The following GATAD2B variants were observed in gnomAD, a reference collection of about 807,000 sequenced individuals.
GATAD2B encodes the protein transcriptional repressor p66-beta.
In GATAD2B, 8 loss-of-function variants were observed where a neutral mutation model predicts 64.3. The ratio of observed to expected loss-of-function variants is 0.12; its 90% CI spans 0.07 to 0.22. GATAD2B has a LOEUF of 0.22. Ranked by LOEUF, GATAD2B falls within the 10% of genes least tolerant of loss-of-function variation. The pLI is 1.00. For synonymous variants in GATAD2B, 281 were observed against 271.3 expected (o/e 1.04, Z -0.35); for missense variants, 453 against 752.0 (o/e 0.60, Z 4.65).
intron 1 of GATAD2B, among the ~76,000 whole-genome samples, chr1:153,860,492 A>G (rs1011323451): frequency 2.0e-5 from 3 of 151,488 alleles, no homozygotes; most frequent in African/African-American, 7.3e-5. Flanking sequence ...GTGCCACCTC[A>G]ACCAGCTAAC....
At chr1:153,891,495 A>C (rs1354061717) in intron 1 of GATAD2B, among the ~76,000 whole-genome samples, 5 of 138,342 alleles carry the variant, frequency 3.6e-5, no homozygotes, top group African/African-American at 1.3e-4. Context: ...GCTTGAGCCC[A>C]GGAGGCAGAG....
chr1:153,881,436 C>G (rs1024049354), intron 1 of GATAD2B, among the ~76,000 whole-genome samples: 1 of 152,168 alleles, frequency 6.6e-6, no homozygotes, highest in Non-Finnish European at 1.5e-5. Flanking sequence ...ATGGATGAAG[C>G]AGAGGGAAAG....
At chr1:153,865,292 T>A (rs1275656976) in intron 1 of GATAD2B, among the ~76,000 whole-genome samples, 1 of 152,020 alleles carries the variant, frequency 6.6e-6, no homozygotes, top group African/African-American at 2.4e-5. Context: ...AAACCCCGTC[T>A]CTACTAAAAA....
chr1:153,811,798 G>A lies in GATAD2B; in HGVS notation c.1581C>T (p.Arg527=), dbSNP rs1464283910. Residue 527 remains arginine (R), a synonymous_variant, in exon 10 of 11, where the codon CGC becomes CGT. Coordinates refer to ENST00000368655, the MANE Select transcript of GATAD2B (RefSeq NM_020699.4). ...CCTGTGCAAAGTTTGAAAGCATGGA[G>A]CGGGCAGATGTGGGTATGCCACGCT... is the stretch of plus-strand genomic sequence containing the variant. The part of the protein sequence containing the change: ...SLQRGIPTSA[R]SMLSNFAQAP... The A allele has an allele frequency of 2.5e-6, 4 of 1,613,056 alleles. No individual in the cohort carries two copies. In the Admixed American group the frequency reaches 6.7e-5, roughly 27 times the overall value.
At chr1:153,855,237 TG>T (rs71093295) in intron 1 of GATAD2B, among the ~76,000 whole-genome samples, 25,237 of 142,694 alleles carry the variant, frequency 0.18, 2,618 homozygotes, top group Non-Finnish European at 0.25. Flanking sequence ...TTTTTTTTTT[TG>T]TTGTTGTTGT....
intron 1 of GATAD2B, among the ~76,000 whole-genome samples, chr1:153,865,002 G>A (rs994920877): frequency 3.3e-5 from 5 of 152,130 alleles, no homozygotes; most frequent in African/African-American, 9.7e-5. Flanking sequence ...CCTGGGAGGC[G>A]GAGGTTGCGG....
chr1:153,853,086 T>G (rs932895027), intron 1 of GATAD2B: 2 of 1,503,200 alleles, frequency 1.3e-6, no homozygotes, highest in South Asian at 2.3e-5. Flanking sequence ...CACAGCACCT[T>G]TGGCATTGGC....
Position 153,816,716 on chromosome 1 carries a change from C to T in GATAD2B, c.901-128G>A. The T allele has an allele frequency of 1.6e-6, 1 of 614,920 alleles. No homozygotes were observed. The highest frequency in any genetic ancestry group is 2.7e-5 in the East Asian group (1 of 36,418). The allele number at this position is 614,920 out of a possible 1,614,324, so 38.1% of individuals were successfully genotyped here. A position where few individuals can be genotyped will look rare whatever the true frequency, so the allele number is the denominator to read the frequency against. ...AGCTTCTCCAAAAATAGGAGGTGGT[C>T]AACTTATTTATTGAAAAAGAACTCT... On this transcript the variant is annotated intron_variant, in intron 6 of 10. Coordinates refer to ENST00000368655, the MANE Select transcript of GATAD2B (RefSeq NM_020699.4). The surrounding 1 kb of genome is among the most constrained non-coding windows in gnomAD (Gnocchi z 4.9).
rs769120730 is a variant in GATAD2B, at chr1:153,905,553, G to GAA, written c.-2+17178_-2+17179dup. Reference sequence around the variant, plus strand: ...AGCCCAAACAGCCAAAACAATTTTGGAAAAAAAAAAAAAAAAAAAAAAGAA... The same window carrying GAA: ...AGCCCAAACAGCCAAAACAATTTTGGAAAAAAAAAAAAAAAAAAAAAAAAGAA... On this transcript the variant is annotated intron_variant, in intron 1 of 10. Transcript: ENST00000368655. 4.5e-3 allele frequency among the ~76,000 whole-genome samples: 293 copies of GAA among 64,604 alleles called. 2 individuals are homozygous for GAA. The highest frequency in any genetic ancestry group is 0.013 in the African/African-American group (235 of 17,522). 42.4% of individuals were successfully genotyped at this position (64,604 alleles called of 152,430 possible). A position where few individuals can be genotyped will look rare whatever the true frequency, so the allele number is the denominator to read the frequency against.
At chr1:153,868,115 T>C (rs1022885271) in intron 1 of GATAD2B, among the ~76,000 whole-genome samples, 1 of 152,060 alleles carries the variant, frequency 6.6e-6, no homozygotes, top group Non-Finnish European at 1.5e-5. Context: ...GCAGAAGAAC[T>C]GCTCGAACCC....
chr1:153,819,722 C>T lies in GATAD2B; in HGVS notation c.349G>A (p.Gly117Arg), dbSNP rs1294091404. ...ATGTCTGGTGAGGGAGTTAGCCTTC[C>T]TCGCTCTGGCTCACTAGACAAGAAA... The part of the protein sequence containing the change: ...MSARRSEPER[G>R]RLTPSPDIIV... Residue 117 changes from glycine to arginine, a missense_variant, in exon 3 of 11, where the codon GGA becomes AGA. Around this residue, in one of 2 missense-constraint regions of GATAD2B, gnomAD observed 293 missense variants for 417.2 expected, o/e 0.70. Coordinates refer to ENST00000368655, the MANE Select transcript of GATAD2B (RefSeq NM_020699.4). The T allele has an allele frequency of 4.4e-6, 7 of 1,602,576 alleles. 1 individual carries two copies. In the Admixed American group the frequency reaches 5.2e-5, roughly 12 times the overall value.
rs1306771763 is a variant in GATAD2B at position 153,804,962 on chromosome 1, G to T, written c.*5215C>A. ...AACACAATGCAGAAAATCAGAATGA[G>T]TTAAAAAAGAAATAAAGGAAACTTA... is the stretch of plus-strand genomic sequence containing the variant. On this transcript the variant is annotated 3_prime_UTR_variant, in exon 11 of 11. Coordinates refer to ENST00000368655, the MANE Select transcript of GATAD2B (RefSeq NM_020699.4). 6.6e-6 allele frequency: 1 copy of T among 152,180 alleles called. No homozygotes were observed. Among genetic ancestry groups the T allele is most frequent in the Non-Finnish European group, 1.5e-5 (1 of 68,034 alleles). 9.4% of individuals were successfully genotyped at this position (152,180 alleles called of 1,614,324 possible).
intron 1 of GATAD2B, among the ~76,000 whole-genome samples, chr1:153,834,923 C>A (rs1675215756): frequency 6.6e-6 from 1 of 151,562 alleles, no homozygotes; most frequent in Admixed American, 6.6e-5. Flanking sequence ...AGTTCGAGAC[C>A]AACCTGGACA....
chr1:153,860,292 T>A (rs11807461), intron 1 of GATAD2B, among the ~76,000 whole-genome samples: 6,932 of 152,230 alleles, frequency 0.046, 213 homozygotes, highest in Non-Finnish European at 0.072. Context: ...TAGAAAACTG[T>A]GAGCACCCAG....
At chr1:153,852,993 T>C (rs928107261) in intron 1 of GATAD2B, 59 of 1,062,826 alleles carry the variant, frequency 5.6e-5, no homozygotes, top group Non-Finnish European at 8.5e-5. Flanking sequence ...TGCCAGTCAC[T>C]ACCCCTTTGG....
At position 153,876,227 on chromosome 1, in the gene GATAD2B, C is replaced by CAAAAAAAAAAAAA; in HGVS notation, c.-2+46493_-2+46505dup. Among the ~76,000 whole-genome samples, 169 of 48,430 alleles carry CAAAAAAAAAAAAA rather than the reference C, an allele frequency of 3.5e-3. 21 individuals carry two copies. The highest frequency in any genetic ancestry group is 4.3e-3 in the South Asian group (3 of 704). The allele number at this position is 48,430 out of a possible 152,430, so 31.8% of individuals were successfully genotyped here. A position where few individuals can be genotyped will look rare whatever the true frequency, so the allele number is the denominator to read the frequency against. On this transcript the variant is annotated intron_variant, in intron 1 of 10. Transcript: ENST00000368655. ...TGGGCAACACAGTGAGACTTCGTCT[C>CAAAAAAAAAAAAA]AAAAAAAAAAAAAAAAAAAAAAAAA...
intron 1 of GATAD2B, among the ~76,000 whole-genome samples, chr1:153,872,216 A>T (rs1254151955): frequency 6.9e-6 from 1 of 145,806 alleles, no homozygotes; most frequent in Non-Finnish European, 1.5e-5. Context: ...CTATTTGGGA[A>T]GCTGAGGCAG....
At chr1:153,815,767 G>A (rs545083995) in intron 7 of GATAD2B, among the ~76,000 whole-genome samples, 1 of 152,162 alleles carries the variant, frequency 6.6e-6, no homozygotes, top group Non-Finnish European at 1.5e-5. Flanking sequence ...GGCCCCGGCC[G>A]GCTGACGGGG....
chr1:153,811,869 T>G (rs373092458), intron 9 of GATAD2B, 21 bp from the exon 10 acceptor site: 15 of 1,493,278 alleles, frequency 1.0e-5, no homozygotes, highest in Non-Finnish European at 1.4e-5. Context: ...GAGGAGACAG[T>G]GGATACAACT....
Sources: allele counts gnomAD v4.1 joint callset (sites outside exome capture counted in the v4.1 genomes callset), GRCh38; gene constraint gnomAD v4.1.1; regional missense constraint gnomAD v4.1.1; non-coding constraint Gnocchi (gnomAD v3.1); transcripts MANE v1.5; gene names NCBI Gene and HGNC (gene_info 2026-07-23, HGNC 2026-07-21).